Variants in ADGRE3 observed in about 807,000 individuals in gnomAD.
ADGRE3 encodes adhesion G protein-coupled receptor E3, also known as EGF-like module receptor 3.
In ADGRE3, 88 loss-of-function variants were observed where a neutral mutation model predicts 80.1. The observed-to-expected ratio is 1.10, with a 90% CI of 0.93 to 1.31. ADGRE3 has a LOEUF of 1.31. Ranked by LOEUF, ADGRE3 falls within the 40% of genes most tolerant of loss-of-function variation. The pLI, the probability that ADGRE3 is intolerant of heterozygous loss-of-function variation, is 0.00. For synonymous variants in ADGRE3, 281 were observed against 294.8 expected, an observed-to-expected ratio of 0.95 and a Z score of 0.48; for missense variants, 715 against 776.5, an observed-to-expected ratio of 0.92 and a Z score of 0.94.
At chr19:14,623,926 C>CG (rs1970665633) in intron 15 of ADGRE3, among the ~76,000 whole-genome samples, 2 of 152,222 alleles carry the variant, frequency 1.3e-5, no homozygotes, top group South Asian at 4.2e-4. Flanking sequence ...ACCAGGTTAT[C>CG]GGGAAAAGGA....
the ADGRE3 span, chr19:14,607,021 C>A: frequency 1.5e-6 from 2 of 1,317,144 alleles, no homozygotes; most frequent in South Asian, 2.1e-5. Context: ...CATGGCTCTC[C>A]ACGGGTGTAC....
chr19:14,624,810 C>T (rs762982567), intron 15 of ADGRE3, among the ~76,000 whole-genome samples: 5 of 149,986 alleles, frequency 3.3e-5, no homozygotes, highest in East Asian at 2.0e-4. Context: ...GCTCAGCAAA[C>T]GAACTCAGGA....
At chr19:14,636,057 C>CTTCCTTCCTTTCCTTTCCT (rs1555755759) in intron 11 of ADGRE3, among the ~76,000 whole-genome samples, 1 of 63,604 alleles carries the variant, frequency 1.6e-5, no homozygotes, top group Non-Finnish European at 3.2e-5. Flanking sequence ...TCCTTCCTTC[C>CTTCCTTCCTTTCCTTTCCT]TTCCTTTCCT....
At chr19:14,610,811 G>C in the ADGRE3 span, 1 of 152,164 alleles carries the variant, frequency 6.6e-6, no homozygotes, top group Admixed American at 6.6e-5. Context: ...GTGAGCCACT[G>C]TGCCTGGCTC....
chr19:14,624,616 A>G (rs1185688546), intron 15 of ADGRE3, among the ~76,000 whole-genome samples: 1 of 151,804 alleles, frequency 6.6e-6, no homozygotes, highest in Admixed American at 6.6e-5. Flanking sequence ...TTAGTAGGGC[A>G]TGGTGGTGCA....
At chr19:14,666,416 G>A (rs920203602) in intron 2 of ADGRE3, among the ~76,000 whole-genome samples, 9 of 148,924 alleles carry the variant, frequency 6.0e-5, no homozygotes, top group Admixed American at 1.3e-4. Flanking sequence ...TCGCTCTGTC[G>A]CCCAGGCTGG....
At chr19:14,633,723 TA>T (rs1320513235) in intron 11 of ADGRE3, among the ~76,000 whole-genome samples, 1,325 of 128,038 alleles carry the variant, frequency 0.01, 63 homozygotes, top group African/African-American at 0.039. Flanking sequence ...TAAAATAAAA[TA>T]AAATAAAATA....
At position 14,630,156 on chromosome 19, in the gene ADGRE3, C is replaced by G; in HGVS notation, c.1695G>C (p.Trp565Cys). The change falls in exon 14 of 16, where the codon TGG becomes TGC. Residue 565 changes from tryptophan (W) to cysteine (C), a missense_variant. Transcript: ENST00000253673. Reference sequence around the variant, plus strand: ...GACCCACCTGTAGCAAGCCCAGACACCATGTGCAGCCCAGGATGAAGAGCT... The same window carrying G: ...GACCCACCTGTAGCAAGCCCAGACAGCATGTGCAGCCCAGGATGAAGAGCT... ...TAQLFILGCT[W>C]CLGLLQVGPA... 6.2e-7 allele frequency: 1 copy of G among 1,613,380 alleles called. No homozygotes were observed. The highest frequency in any genetic ancestry group is 8.5e-7 in the Non-Finnish European group (1 of 1,179,504).
In ADGRE3 at chr19:14,626,966, A is replaced by G. The variant is rs577157650; in HGVS notation, c.1813-1367T>C. The stretch of plus-strand genomic sequence containing the variant: ...CAGTACGAAGCCTTCAGGCACAGTC[A>G]TGGGTGTTTGCAACAAGCAACTCCA... On this transcript the variant is annotated intron_variant, in intron 14 of 15. Transcript: ENST00000253673. 2.0e-3 allele frequency among the ~76,000 whole-genome samples: 311 copies of G among 152,262 alleles called. 1 individual carries two copies. Among genetic ancestry groups the G allele is most frequent in the African/African-American group, 7.2e-3 (298 of 41,546 alleles).
chr19:14,636,008 T>C (rs140765990), intron 11 of ADGRE3, among the ~76,000 whole-genome samples: 45,000 of 74,700 alleles, frequency 0.6, 12,458 homozygotes, highest in South Asian at 0.72. Flanking sequence ...TCTTTCTCTT[T>C]CTTTCTTCCT....
At chr19:14,617,388 T>TTCTTTCTTTCTC (rs2075088069), downstream of ADGRE3, among the ~76,000 whole-genome samples, 3 of 135,072 alleles carry the variant, frequency 2.2e-5, no homozygotes, top group African/African-American at 8.1e-5. Context: ...CTTTCTTTCT[T>TTCTTTCTTTCTC]TCTTTCTTTC....
chr19:14,660,568 G>A (rs1315532938), intron 4 of ADGRE3, among the ~76,000 whole-genome samples: 1 of 151,476 alleles, frequency 6.6e-6, no homozygotes, highest in Non-Finnish European at 1.5e-5. Context: ...AGGCTGCAGT[G>A]TGCAATGATT....
the ADGRE3 span, chr19:14,610,324 C>T: frequency 1.5e-6 from 2 of 1,335,190 alleles, no homozygotes; most frequent in Non-Finnish European, 2.0e-6. Context: ...GGATTGGCAC[C>T]CTGGATGCAG....
In ADGRE3 at chr19:14,647,176, C is replaced by T; in HGVS notation, c.882+5G>A. The T allele has an allele frequency of 6.2e-7, 1 of 1,612,930 alleles. No individual in the cohort carries two copies. The highest frequency in any genetic ancestry group is 1.1e-5 in the South Asian group (1 of 91,032). Reference sequence around the variant, plus strand: ...CCACAAGCTCAAATCATACCTGTGACCCACCTTCACGTGCTGGAAAGTCAG... The same window carrying T: ...CCACAAGCTCAAATCATACCTGTGATCCACCTTCACGTGCTGGAAAGTCAG... On this transcript the variant is annotated splice_donor_5th_base_variant and intron_variant, in intron 8 of 15. Coordinates refer to ENST00000253673, the MANE Select transcript of ADGRE3 (RefSeq NM_032571.5).
chr19:14,605,513 G>A, the ADGRE3 span, among the ~76,000 whole-genome samples: 2 of 152,122 alleles, frequency 1.3e-5, no homozygotes, highest in Non-Finnish European at 2.9e-5. Context: ...TGACAAATGC[G>A]TACACCTGTG....
At chr19:14,609,858 C>CA in the ADGRE3 span, among the ~76,000 whole-genome samples, 35 of 144,754 alleles carry the variant, frequency 2.4e-4, no homozygotes, top group Admixed American at 1.4e-3. Context: ...CAAAACAAAA[C>CA]AAAAAACCCC....
rs1332530909 is a variant in ADGRE3 at position 14,623,294 on chromosome 19, A to T, written c.1920+2198T>A. 2.0e-4 allele frequency among the ~76,000 whole-genome samples: 27 copies of T among 134,456 alleles called. 7 individuals carry two copies. The East Asian group carries it at 3.7e-3, about 18-fold the overall frequency. 88.2% of individuals were successfully genotyped at this position (134,456 alleles called of 152,430 possible). A position where few individuals can be genotyped will look rare whatever the true frequency, so the allele number is the denominator to read the frequency against. On this transcript the variant is annotated intron_variant, in intron 15 of 15. Coordinates refer to ENST00000253673, the MANE Select transcript of ADGRE3 (RefSeq NM_032571.5). ...ATATGCCTAAAATACTTAAAAAAAA[A>T]AAAATAAAAAAAAAAAAAAATAAAA...
chr19:14,620,548 T>TGTATATATATA lies in ADGRE3; in HGVS notation c.1921-1078_1921-1077insTATATATATAC. Among the ~76,000 whole-genome samples the TGTATATATATA allele has an allele frequency of 9.6e-4, 24 of 24,978 alleles. 3 individuals are homozygous for TGTATATATATA. Among genetic ancestry groups the TGTATATATATA allele is most frequent in the Non-Finnish European group, 1.2e-3 (20 of 16,066 alleles). 16.4% of individuals were successfully genotyped at this position (24,978 alleles called of 152,430 possible). A position where few individuals can be genotyped will look rare whatever the true frequency, so the allele number is the denominator to read the frequency against. On this transcript the variant is annotated intron_variant, in intron 15 of 15. Coordinates refer to ENST00000253673, the MANE Select transcript of ADGRE3 (RefSeq NM_032571.5). ...TGAATATATATATTTTATATATATA[T>TGTATATATATA]TATATATATATATATATATATTTTT...
the ADGRE3 span, among the ~76,000 whole-genome samples, chr19:14,600,685 C>G: frequency 1.4e-5 from 2 of 146,444 alleles, no homozygotes; most frequent in African/African-American, 5.1e-5. Flanking sequence ...GGGTTCACGC[C>G]ATTCTCCTGC....
Sources: allele counts gnomAD v4.1 joint callset (sites outside exome capture counted in the v4.1 genomes callset), GRCh38; gene constraint gnomAD v4.1.1; transcripts MANE v1.5; gene names NCBI Gene and HGNC (gene_info 2026-07-23, HGNC 2026-07-21).